The following CHAF1A variants were observed in gnomAD, a reference collection of about 807,000 sequenced individuals.
CHAF1A encodes chromatin assembly factor 1 subunit A.
CHAF1A carries 5 observed loss-of-function variants against 93.2 expected under a neutral mutation model. That is an observed-to-expected ratio of 0.05 (90% CI 0.03 to 0.11). The LOEUF (loss-of-function observed/expected upper bound fraction) is 0.11. Among genes scored for constraint, CHAF1A ranks in the 10% least tolerant of loss-of-function variants. CHAF1A has a pLI of 1.00. For missense variants in CHAF1A, 1,102 were observed against 1,259.9 expected (o/e 0.87, Z 1.90); for synonymous variants, 504 against 510.3 (o/e 0.99, Z 0.17).
At chr19:4,427,395 C>T (rs950014509) in intron 7 of CHAF1A, among the ~76,000 whole-genome samples, 9 of 139,940 alleles carry the variant, frequency 6.4e-5, no homozygotes, top group African/African-American at 1.6e-4. Context: ...TGCAGTGGCA[C>T]GATCTCGGCT....
chr19:4,446,294 C>A, downstream of CHAF1A: 1 of 1,571,094 alleles, frequency 6.4e-7, no homozygotes, highest in Non-Finnish European at 8.6e-7. Flanking sequence ...CTGCAGGAGG[C>A]AGCCATCGGG....
downstream of CHAF1A, chr19:4,447,939 G>A: frequency 2.0e-6 from 1 of 495,966 alleles, no homozygotes; most frequent in Non-Finnish European, 3.7e-6. Context: ...GAGCTGAAGG[G>A]CCGCAGTGCC....
chr19:4,442,197 G>A (rs1974403195), intron 13 of CHAF1A, 48 bp from the exon 14 acceptor site: 1 of 1,492,180 alleles, frequency 6.7e-7, no homozygotes, highest in African/African-American at 1.4e-5. Flanking sequence ...CTGGCACCAG[G>A]GTGGCTGCTG....
In CHAF1A at chr19:4,422,996, G is replaced by A. The variant is rs549869515; in HGVS notation, c.1247+201G>A. Among the ~76,000 whole-genome samples the A allele has an allele frequency of 4.6e-5, 7 of 152,276 alleles. No individual in the cohort carries two copies. Among genetic ancestry groups the A allele is most frequent in the African/African-American group, 1.2e-4 (5 of 41,558 alleles). On this transcript the variant is annotated intron_variant, in intron 5 of 14. Transcript: ENST00000301280. This position sits in a 1 kb window ranked among gnomAD's most constrained non-coding sequence, Gnocchi z 4.6. ...TCCCTGCTCTTTAGTGCTCCCCCAC[G>A]TCCAACTCACCCTGGACCCCTTGTC...
intron 3 of CHAF1A, among the ~76,000 whole-genome samples, chr19:4,412,109 T>G (rs243352): frequency 0.52 from 79,075 of 152,098 alleles, 21,025 homozygotes; most frequent in Admixed American, 0.7. Context: ...TTCTACCTAA[T>G]CCACCACTCA....
At position 4,433,057 on chromosome 19, in the gene CHAF1A, TC is replaced by T; in HGVS notation, c.2204-10del. 6.5e-7 allele frequency: 1 copy of T among 1,535,206 alleles called. No individual in the cohort carries two copies. Among genetic ancestry groups the T allele is most frequent in the Non-Finnish European group, 8.8e-7 (1 of 1,134,130 alleles). On this transcript the variant is annotated splice_polypyrimidine_tract_variant and intron_variant, in intron 12 of 14. Coordinates refer to ENST00000301280, the MANE Select transcript of CHAF1A (RefSeq NM_005483.3). This position sits in a 1 kb window ranked among gnomAD's most constrained non-coding sequence, Gnocchi z 5.6. ...CCCCAAGCCTCATGCCCACCCATGT[TC>T]CCTCCTGCCAGTCCTGGCCCAGCTG...
intron 4 of CHAF1A, among the ~76,000 whole-genome samples, chr19:4,420,697 T>C (rs1309714354): frequency 6.6e-6 from 1 of 152,034 alleles, no homozygotes; most frequent in Non-Finnish European, 1.5e-5. Flanking sequence ...ATCCCACACT[T>C]TGGGAGGCCA....
In CHAF1A at chr19:4,409,125, G is replaced by T. The variant is rs1568429677; in HGVS notation, c.326G>T (p.Ser109Ile). ...DNFLRNRIET[S>I]IGQSTVIIDL... ...TTTTTAAGAAATAGAATCGAAACCA[G>T]TATTGGCCAGAGCACAGTCATCATT... is the stretch of plus-strand genomic sequence containing the variant. Residue 109 changes from serine to isoleucine, a missense_variant, in exon 3 of 15, where the codon AGT becomes ATT. This residue lies in a region of CHAF1A where 379 missense variants were observed against 365.7 expected (regional missense o/e 1.04). Coordinates refer to ENST00000301280, the MANE Select transcript of CHAF1A (RefSeq NM_005483.3). 5.0e-6 allele frequency: 8 copies of T among 1,614,200 alleles called. No homozygotes were observed. The highest frequency in any genetic ancestry group is 1.7e-5 in the Admixed American group (1 of 60,016).
chr19:4,437,222 A>G (rs1568182739), intron 13 of CHAF1A, among the ~76,000 whole-genome samples: 1 of 152,136 alleles, frequency 6.6e-6, no homozygotes, highest in Non-Finnish European at 1.5e-5. Context: ...AGTTTGGGAC[A>G]TAAACGTCCC....
At chr19:4,445,215 C>T (rs1233380040), downstream of CHAF1A, 34 of 408,756 alleles carry the variant, frequency 8.3e-5, no homozygotes, top group Non-Finnish European at 1.3e-4. Context: ...TGTGTCTGTC[C>T]GGCAGCTTCA....
At chr19:4,423,420 C>T in intron 6 of CHAF1A, 25 bp downstream of exon 6, 2 of 1,612,132 alleles carry the variant, frequency 1.2e-6, no homozygotes, top group Non-Finnish European at 8.5e-7. Flanking sequence ...ACAGAGCTTC[C>T]CCGTCCCAGC....
downstream of CHAF1A, chr19:4,445,346 A>G: frequency 7.4e-7 from 1 of 1,352,526 alleles, no homozygotes. Flanking sequence ...CACGGGGCCC[A>G]ATTCCACAGC....
At position 4,404,624 on chromosome 19, in the gene CHAF1A, C is replaced by T. The variant is rs535497175; in HGVS notation, c.53-1288C>T. Among the ~76,000 whole-genome samples the T allele has an allele frequency of 5.3e-5, 8 of 152,104 alleles. No homozygotes were observed. In the South Asian group the frequency reaches 6.2e-4, roughly 12 times the overall value. ...GGTGAGGGGTGGTTTCATGTATGGA[C>T]GATGGAGTTTTTTAGGAAGCCCCAG... On this transcript the variant is annotated intron_variant, in intron 1 of 14. Transcript: ENST00000301280.
chr19:4,446,539 T>C (rs532929768), downstream of CHAF1A: 34 of 1,612,048 alleles, frequency 2.1e-5, no homozygotes, highest in East Asian at 3.3e-4. Context: ...TGCTGTGAGG[T>C]TGAAGAAGTC....
At chr19:4,446,739 G>T, downstream of CHAF1A, 1 of 1,609,600 alleles carries the variant, frequency 6.2e-7, no homozygotes, top group Non-Finnish European at 8.5e-7. Flanking sequence ...GGCAGGACAT[G>T]GGTGTCACTG....
intron 13 of CHAF1A, among the ~76,000 whole-genome samples, chr19:4,439,283 A>G (rs1202773575): frequency 7.1e-6 from 1 of 140,758 alleles, no homozygotes; most frequent in Non-Finnish European, 1.5e-5. Context: ...TGCGTCTCAG[A>G]AAAAAAAAAA....
chr19:4,434,282 G>C (rs1321252991), intron 13 of CHAF1A, among the ~76,000 whole-genome samples: 1 of 152,128 alleles, frequency 6.6e-6, no homozygotes, highest in Non-Finnish European at 1.5e-5. Flanking sequence ...GGAGATTGAG[G>C]CTGCAGTGAG....
At chr19:4,415,456 G>A (rs993158454) in intron 3 of CHAF1A, among the ~76,000 whole-genome samples, 5 of 152,100 alleles carry the variant, frequency 3.3e-5, no homozygotes, top group Non-Finnish European at 7.4e-5. Context: ...TGAATTCCCC[G>A]CCACCCCAAG....
At chr19:4,435,749 C>T (rs944986041) in intron 13 of CHAF1A, among the ~76,000 whole-genome samples, 1 of 152,252 alleles carries the variant, frequency 6.6e-6, no homozygotes, top group Admixed American at 6.5e-5. Flanking sequence ...TTCAAGGCCA[C>T]GATCTGATGG....
Sources: allele counts gnomAD v4.1 joint callset (sites outside exome capture counted in the v4.1 genomes callset), GRCh38; gene constraint gnomAD v4.1.1; regional missense constraint gnomAD v4.1.1; non-coding constraint Gnocchi (gnomAD v3.1); transcripts MANE v1.5; gene names NCBI Gene and HGNC (gene_info 2026-07-23, HGNC 2026-07-21).